Variants in GMDS observed in about 807,000 individuals in gnomAD.
The protein encoded by GMDS is GDP-mannose 4,6-dehydratase, also known as GDP-mannose 4,6 dehydratase.
In GMDS, 20 loss-of-function variants were observed where a neutral mutation model predicts 49.9. The ratio of observed to expected loss-of-function variants is 0.40; its 90% CI spans 0.28 to 0.58. The LOEUF (loss-of-function observed/expected upper bound fraction) is 0.58. Among genes scored for constraint, GMDS ranks in the 20% least tolerant of loss-of-function variants. The pLI is 0.42. For missense variants in GMDS, 362 were observed against 481.4 expected (o/e 0.75, Z 2.32); for synonymous variants, 177 against 178.6 (o/e 0.99, Z 0.07).
At chr6:1,752,689 C>T (rs965562332) in intron 7 of GMDS, among the ~76,000 whole-genome samples, 3 of 152,270 alleles carry the variant, frequency 2.0e-5, no homozygotes, top group Non-Finnish European at 4.4e-5. Flanking sequence ...GCAGATCTCT[C>T]GGCAGAAACC....
At chr6:1,964,434 A>C (rs572905759) in intron 4 of GMDS, among the ~76,000 whole-genome samples, 96 of 152,340 alleles carry the variant, frequency 6.3e-4, no homozygotes, top group Admixed American at 9.8e-4. Context: ...TATATTATTT[A>C]ATCCTAAGAA....
chr6:1,893,141 G>A (rs1214407464), intron 7 of GMDS, among the ~76,000 whole-genome samples: 3 of 152,032 alleles, frequency 2.0e-5, no homozygotes, highest in African/African-American at 7.2e-5. Flanking sequence ...CTGGGAAGAA[G>A]GAAGGAGCAT....
chr6:1,658,530 C>CT (rs1372031991), intron 9 of GMDS, among the ~76,000 whole-genome samples: 5 of 152,232 alleles, frequency 3.3e-5, no homozygotes, highest in African/African-American at 1.2e-4. Flanking sequence ...GCTTCCTCTA[C>CT]TGTATGACAC....
intron 1 of GMDS, among the ~76,000 whole-genome samples, chr6:2,223,366 C>T (rs1325360464): frequency 6.6e-6 from 1 of 151,876 alleles, no homozygotes; most frequent in Non-Finnish European, 1.5e-5. Flanking sequence ...GTTTACACTC[C>T]CCCCAGGGCA....
intron 4 of GMDS, among the ~76,000 whole-genome samples, chr6:2,040,446 A>T (rs980101848): frequency 3.3e-5 from 5 of 152,230 alleles, no homozygotes; most frequent in Non-Finnish European, 7.3e-5. Context: ...GGGTTAGGAA[A>T]CAGTTATATG....
chr6:1,764,308 G>A (rs1652401638), intron 7 of GMDS, among the ~76,000 whole-genome samples: 1 of 152,090 alleles, frequency 6.6e-6, no homozygotes, highest in African/African-American at 2.4e-5. Context: ...GGTTCACAGA[G>A]GCAAGAGATG....
At chr6:1,803,053 T>C (rs2113662651) in intron 7 of GMDS, among the ~76,000 whole-genome samples, 1 of 152,358 alleles carries the variant, frequency 6.6e-6, no homozygotes, top group African/African-American at 2.4e-5. Flanking sequence ...GGATATTATG[T>C]AGCTGCATGT....
intron 9 of GMDS, among the ~76,000 whole-genome samples, chr6:1,686,289 G>A (rs1009937075): frequency 6.6e-6 from 1 of 152,200 alleles, no homozygotes; most frequent in African/African-American, 2.4e-5. Context: ...ACAGAGGAAG[G>A]AATCCTGCCA....
At chr6:1,976,602 T>C (rs1365557774) in intron 4 of GMDS, among the ~76,000 whole-genome samples, 1 of 152,074 alleles carries the variant, frequency 6.6e-6, no homozygotes, top group Non-Finnish European at 1.5e-5. Context: ...AACAATGATG[T>C]AACAAACCTG....
chr6:2,206,588 C>A (rs183251614), intron 1 of GMDS, among the ~76,000 whole-genome samples: 11 of 152,316 alleles, frequency 7.2e-5, no homozygotes, highest in Admixed American at 4.6e-4. Context: ...CCTGACCAAC[C>A]TCATATTCAT....
chr6:2,034,072 T>C (rs951946061), intron 4 of GMDS, among the ~76,000 whole-genome samples: 5 of 152,198 alleles, frequency 3.3e-5, no homozygotes, highest in African/African-American at 1.2e-4. Context: ...AGGTATTTAA[T>C]GATAAATAGA....
chr6:1,891,546 T>G (rs970395441), intron 7 of GMDS, among the ~76,000 whole-genome samples: 1 of 152,232 alleles, frequency 6.6e-6, no homozygotes, highest in African/African-American at 2.4e-5. Flanking sequence ...CCACTTAGTA[T>G]TAAGTACTTG....
At chr6:1,819,856 T>C (rs1299346089) in intron 7 of GMDS, among the ~76,000 whole-genome samples, 2 of 150,048 alleles carry the variant, frequency 1.3e-5, no homozygotes, top group Non-Finnish European at 3.0e-5. Context: ...ATTTTAGGAG[T>C]AATGTTTGTC....
At chr6:1,805,669 C>T (rs1331530598) in intron 7 of GMDS, among the ~76,000 whole-genome samples, 1 of 152,084 alleles carries the variant, frequency 6.6e-6, no homozygotes, top group Non-Finnish European at 1.5e-5. Context: ...AACAATGCCA[C>T]TTTACTAATA....
At chr6:1,885,551 C>T (rs1462385328) in intron 7 of GMDS, among the ~76,000 whole-genome samples, 1 of 152,152 alleles carries the variant, frequency 6.6e-6, no homozygotes, top group Non-Finnish European at 1.5e-5. Flanking sequence ...AGTGCTAAGA[C>T]ACTATGCTTT....
chr6:1,773,014 T>C (rs1323575720), intron 7 of GMDS, among the ~76,000 whole-genome samples: 1 of 152,188 alleles, frequency 6.6e-6, no homozygotes, highest in Non-Finnish European at 1.5e-5. Context: ...TTTGCAAACA[T>C]GAGGCTCAAA....
chr6:1,639,864 C>T (rs139374525), intron 9 of GMDS, among the ~76,000 whole-genome samples: 53 of 152,242 alleles, frequency 3.5e-4, no homozygotes, highest in African/African-American at 1.2e-3. Flanking sequence ...GGTGATAGAG[C>T]CAGACCTTGT....
chr6:2,078,419 T>G (rs1330984787), intron 4 of GMDS, among the ~76,000 whole-genome samples: 2 of 152,164 alleles, frequency 1.3e-5, no homozygotes, highest in Non-Finnish European at 2.9e-5. Context: ...ATAAACTTCA[T>G]GTTAGTACTG....
chr6:2,039,659 C>T (rs1161459354), intron 4 of GMDS, among the ~76,000 whole-genome samples: 2 of 151,930 alleles, frequency 1.3e-5, no homozygotes, highest in South Asian at 4.2e-4. Flanking sequence ...GGGTCAGGAA[C>T]ATCAATATCA....
Sources: gnomAD v4.1 joint callset for allele counts (sites outside exome capture counted in the v4.1 genomes callset) on GRCh38, gnomAD v4.1.1 for gene constraint, MANE v1.5 for transcripts, NCBI Gene and HGNC (gene_info 2026-07-23, HGNC 2026-07-21) for gene names.